PRDM16: variants seen among roughly 807,000 people sequenced by gnomAD.
PRDM16 encodes the protein histone-lysine N-methyltransferase PRDM16.
In PRDM16, 23 loss-of-function variants were observed where a neutral mutation model predicts 110.6. The observed-to-expected ratio is 0.21, with a 90% confidence interval of 0.15 to 0.29. The LOEUF (loss-of-function observed/expected upper bound fraction) is 0.29. Ranked by LOEUF, PRDM16 falls within the 10% of genes least tolerant of loss-of-function variation. PRDM16 has a pLI of 1.00. For missense variants in PRDM16, 1,615 were observed against 1,794.3 expected, an observed-to-expected ratio of 0.90 and a Z score of 1.81; for synonymous variants, 799 against 781.8, an observed-to-expected ratio of 1.02 and a Z score of -0.37.
At chr1:3,180,973 C>A (rs933133702) in intron 1 of PRDM16, among the ~76,000 whole-genome samples, 2 of 146,496 alleles carry the variant, frequency 1.4e-5, no homozygotes, top group Admixed American at 1.3e-4. Context: ...CACACTCGGT[C>A]TTACACACGC....
chr1:3,352,183 G>T (rs1642508141), intron 3 of PRDM16, among the ~76,000 whole-genome samples: 1 of 152,186 alleles, frequency 6.6e-6, no homozygotes. Context: ...ACTGCAGGGT[G>T]TGGGCCCTTC....
intron 3 of PRDM16, among the ~76,000 whole-genome samples, chr1:3,287,281 G>A (rs1290747991): frequency 1.4e-5 from 2 of 147,960 alleles, no homozygotes; most frequent in East Asian, 2.0e-4. Flanking sequence ...CCCGCCACGC[G>A]GGCATCCAGG....
chr1:3,126,083 CA>C (rs1159119498), intron 1 of PRDM16, among the ~76,000 whole-genome samples: 2 of 152,224 alleles, frequency 1.3e-5, no homozygotes, highest in African/African-American at 4.8e-5. Context: ...CTCCCTCTTG[CA>C]ATCTGTGAAT....
intron 3 of PRDM16, among the ~76,000 whole-genome samples, chr1:3,368,790 G>A (rs903681696): frequency 1.3e-5 from 2 of 152,100 alleles, no homozygotes; most frequent in African/African-American, 4.8e-5. Context: ...CTCCAGGGAG[G>A]AAAGACAATG....
At chr1:3,381,768 C>T (rs996429862) in intron 3 of PRDM16, among the ~76,000 whole-genome samples, 1 of 152,206 alleles carries the variant, frequency 6.6e-6, no homozygotes, top group Admixed American at 6.5e-5. Context: ...CGTCATTTAC[C>T]TTCTCCCTGG....
intron 3 of PRDM16, among the ~76,000 whole-genome samples, chr1:3,251,918 G>T (rs1464049519): frequency 1.3e-5 from 2 of 152,190 alleles, no homozygotes; most frequent in Non-Finnish European, 2.9e-5. Flanking sequence ...CCTCAGCAAA[G>T]TCTGTGGTAA....
intron 1 of PRDM16, among the ~76,000 whole-genome samples, chr1:3,078,901 T>C (rs1451762194): frequency 6.6e-6 from 1 of 152,224 alleles, no homozygotes. Context: ...CATTGAAAAA[T>C]GCCCAGACAT....
chr1:3,229,231 C>T (rs977496845), intron 2 of PRDM16, among the ~76,000 whole-genome samples: 2 of 152,186 alleles, frequency 1.3e-5, no homozygotes, highest in African/African-American at 2.4e-5. Context: ...CCAGGGCCAT[C>T]GTTACCCACA....
chr1:3,159,129 G>T (rs1643879936), intron 1 of PRDM16, among the ~76,000 whole-genome samples: 1 of 152,234 alleles, frequency 6.6e-6, no homozygotes, highest in Admixed American at 6.5e-5. Flanking sequence ...GCCAGGGACA[G>T]CCTTGAGACC....
At chr1:3,112,950 G>T (rs982553103) in intron 1 of PRDM16, among the ~76,000 whole-genome samples, 3 of 152,278 alleles carry the variant, frequency 2.0e-5, no homozygotes, top group African/African-American at 7.2e-5. Flanking sequence ...TGTGCAAAGG[G>T]CTCAGCTGGC....
chr1:3,126,059 C>A (rs1171232639), intron 1 of PRDM16, among the ~76,000 whole-genome samples: 1 of 152,210 alleles, frequency 6.6e-6, no homozygotes, highest in Non-Finnish European at 1.5e-5. Context: ...GCTGGCTCGT[C>A]CTTAGGTAAT....
chr1:3,374,871 C>A (rs1642965799), intron 3 of PRDM16, among the ~76,000 whole-genome samples: 1 of 152,214 alleles, frequency 6.6e-6, no homozygotes, highest in East Asian at 1.9e-4. Flanking sequence ...TGAGCAGGAG[C>A]AGCCAGGCGG....
chr1:3,199,593 C>G (rs1291329911), intron 2 of PRDM16, among the ~76,000 whole-genome samples: 1 of 152,172 alleles, frequency 6.6e-6, no homozygotes, highest in Non-Finnish European at 1.5e-5. Context: ...TGCCCTGGCT[C>G]CTGGAGCTAG....
At chr1:3,194,074 A>G (rs974049916) in intron 2 of PRDM16, among the ~76,000 whole-genome samples, 1 of 152,226 alleles carries the variant, frequency 6.6e-6, no homozygotes, top group African/African-American at 2.4e-5. Context: ...GGAGGAGTGG[A>G]GAGCCCGCCT....
At position 3,339,712 on chromosome 1, in the gene PRDM16, T is replaced by G. The variant is rs116760833; in HGVS notation, c.439-45440T>G. On this transcript the variant is annotated intron_variant, in intron 3 of 16. Transcript: ENST00000270722. The surrounding 1 kb of genome is among the most constrained non-coding windows in gnomAD (Gnocchi z 5.0). The stretch of plus-strand genomic sequence containing the variant: ...GTGTGCAGAGCTCAGTTACCCCATC[T>G]GCCTCAGCCTCCCTCAGAACTGTGG... Among the ~76,000 whole-genome samples, 9,428 of 152,240 alleles carry G rather than the reference T, an allele frequency of 0.062. 347 individuals are homozygous for G. Among genetic ancestry groups the G allele is most frequent in the Middle Eastern group, 0.085 (25 of 294 alleles).
chr1:3,145,645 G>A (rs978616642), intron 1 of PRDM16, among the ~76,000 whole-genome samples: 56 of 152,114 alleles, frequency 3.7e-4, no homozygotes, highest in East Asian at 1.9e-4. Flanking sequence ...TGTGTCCTGC[G>A]TGGTCCGTAC....
chr1:3,429,603 A>G (rs1316967264), intron 14 of PRDM16, among the ~76,000 whole-genome samples: 1 of 152,342 alleles, frequency 6.6e-6, no homozygotes, highest in East Asian at 1.9e-4. Flanking sequence ...AGGGCACCTC[A>G]CCAACAACCA....
rs1282030604 is a variant in PRDM16 at position 3,213,652 on chromosome 1, G to A, written c.387+27178G>A. Among the ~76,000 whole-genome samples, 3 of 152,152 alleles carry A rather than the reference G, an allele frequency of 2.0e-5. No homozygotes were observed. The highest frequency in any genetic ancestry group is 7.2e-5 in the African/African-American group (3 of 41,424). ...CACTTGTTTCCATGAGATGCTCCAAGCTCCTCCTGTTCTTACCCAGCATTT... is the reference window on the plus strand; with the variant it reads ...CACTTGTTTCCATGAGATGCTCCAAACTCCTCCTGTTCTTACCCAGCATTT... On this transcript the variant is annotated intron_variant, in intron 2 of 16. Coordinates refer to ENST00000270722, the MANE Select transcript of PRDM16 (RefSeq NM_022114.4). The surrounding 1 kb of genome is among the most constrained non-coding windows in gnomAD (Gnocchi z 5.3).
chr1:3,330,171 G>A (rs919765076), intron 3 of PRDM16, among the ~76,000 whole-genome samples: 47 of 152,312 alleles, frequency 3.1e-4, no homozygotes, highest in African/African-American at 9.6e-4. Flanking sequence ...TTTAACTCTC[G>A]CCTGGCCAGA....
Sources: gnomAD v4.1 joint callset for allele counts (sites outside exome capture counted in the v4.1 genomes callset) on GRCh38, gnomAD v4.1.1 for gene constraint, Gnocchi (gnomAD v3.1) non-coding constraint, MANE v1.5 for transcripts, NCBI Gene and HGNC (gene_info 2026-07-23, HGNC 2026-07-21) for gene names.